The following LRRC1 variants were observed in gnomAD, a reference collection of about 807,000 sequenced individuals.
LRRC1 encodes leucine-rich repeat-containing protein 1.
In LRRC1, 28 loss-of-function variants were observed where a neutral mutation model predicts 69.9. That is an observed-to-expected ratio of 0.40 (90% CI 0.30 to 0.55). The LOEUF is 0.55. Among genes scored for constraint, LRRC1 ranks in the 20% least tolerant of loss-of-function variants. The pLI is 0.47. For synonymous variants in LRRC1, 236 were observed against 240.2 expected (o/e 0.98, Z 0.16); for missense variants, 498 against 609.0 (o/e 0.82, Z 1.92).
intron 1 of LRRC1, among the ~76,000 whole-genome samples, chr6:53,815,928 T>A (rs1346583686): frequency 5.9e-5 from 9 of 152,266 alleles, no homozygotes; most frequent in Non-Finnish European, 1.5e-5. Flanking sequence ...AAATGCTTCC[T>A]GTATCCAGGA....
Position 53,802,012 on chromosome 6 carries a change from T to C in LRRC1, c.159+6597T>C, listed in dbSNP as rs571267998. Among the ~76,000 whole-genome samples, 18 of 152,320 alleles carry C rather than the reference T, an allele frequency of 1.2e-4. No homozygotes were observed. In the South Asian group the frequency reaches 3.1e-3, roughly 26 times the overall value. On this transcript the variant is annotated intron_variant, in intron 1 of 13. Coordinates refer to ENST00000370888, the MANE Select transcript of LRRC1 (RefSeq NM_018214.5). ...ACTTACTTAAAAAGCTTAAAAGCCTTGTTCACGGTTAGTTCTGGAGCAAGC... is the reference window on the plus strand; with the variant it reads ...ACTTACTTAAAAAGCTTAAAAGCCTCGTTCACGGTTAGTTCTGGAGCAAGC...
At chr6:53,907,154 A>T (rs968015551) in intron 10 of LRRC1, among the ~76,000 whole-genome samples, 1 of 152,234 alleles carries the variant, frequency 6.6e-6, no homozygotes, top group African/African-American at 2.4e-5. Flanking sequence ...TCCAAGCTTG[A>T]TGCCATTTGA....
intron 11 of LRRC1, among the ~76,000 whole-genome samples, chr6:53,916,881 T>TC (rs1768581725): frequency 6.6e-6 from 1 of 152,214 alleles, no homozygotes; most frequent in East Asian, 1.9e-4. Context: ...GTCATGGACA[T>TC]AACTGGAGAC....
intron 1 of LRRC1, among the ~76,000 whole-genome samples, chr6:53,802,495 A>T (rs145182480): frequency 6.6e-6 from 1 of 152,146 alleles, no homozygotes; most frequent in Non-Finnish European, 1.5e-5. Context: ...TTCTGTGGAC[A>T]TATTTTCCTT....
At chr6:53,903,413 C>T (rs1768126344) in intron 9 of LRRC1, among the ~76,000 whole-genome samples, 1 of 152,092 alleles carries the variant, frequency 6.6e-6, no homozygotes, top group South Asian at 2.1e-4. Flanking sequence ...TCCTGCTGCC[C>T]CCTCTGCTTT....
intron 1 of LRRC1, among the ~76,000 whole-genome samples, chr6:53,816,608 G>T (rs1764956638): frequency 6.6e-6 from 1 of 152,092 alleles, no homozygotes; most frequent in Admixed American, 6.5e-5. Flanking sequence ...GCCTTTAAAT[G>T]TAGCTTTCTT....
intron 4 of LRRC1, among the ~76,000 whole-genome samples, chr6:53,886,689 C>T (rs954543055): frequency 6.6e-6 from 1 of 151,950 alleles, no homozygotes; most frequent in African/African-American, 2.4e-5. Context: ...AATTTTTTAC[C>T]TGCCTTGTCT....
At chr6:53,857,814 C>T (rs771123770) in intron 2 of LRRC1, among the ~76,000 whole-genome samples, 21 of 152,208 alleles carry the variant, frequency 1.4e-4, no homozygotes, top group Non-Finnish European at 2.6e-4. Context: ...CAGAGGAAGG[C>T]TTGAAACATA....
chr6:53,795,130 G>GAGCT lies in LRRC1; in HGVS notation c.-125_-122dup. On this transcript the variant is annotated 5_prime_UTR_variant, in exon 1 of 14. Transcript: ENST00000370888. ...GACCGCGAAGCCCGGCGCGAGAAGC[G>GAGCT]AGCTAACCCAAGAGCCAACAACGAG... is the stretch of plus-strand genomic sequence containing the variant. 1 of 823,318 alleles carries GAGCT rather than the reference G, an allele frequency of 1.2e-6. No individual in the cohort carries two copies. Among genetic ancestry groups the GAGCT allele is most frequent in the Non-Finnish European group, 1.8e-6 (1 of 553,676 alleles). 51.0% of individuals were successfully genotyped at this position (823,318 alleles called of 1,614,324 possible). A position where few individuals can be genotyped will look rare whatever the true frequency, so the allele number is the denominator to read the frequency against.
intron 10 of LRRC1, among the ~76,000 whole-genome samples, chr6:53,908,309 A>T (rs935787479): frequency 6.6e-6 from 1 of 152,228 alleles, no homozygotes; most frequent in African/African-American, 2.4e-5. Context: ...ACCCAGTCAG[A>T]TGAGGCAACA....
In LRRC1 at chr6:53,795,051, G is replaced by C; in HGVS notation, c.-206G>C. On this transcript the variant is annotated 5_prime_UTR_variant, in exon 1 of 14. Transcript: ENST00000370888. ...GGAGTGGAGGCACCGGCTGGCGGGC[G>C]GGGGTACAGGGACGGGGCAGGGGCT... 4.8e-6 allele frequency: 2 copies of C among 415,828 alleles called. No individual in the cohort carries two copies. Among genetic ancestry groups the C allele is most frequent in the South Asian group, 1.1e-4 (2 of 17,558 alleles). The allele number at this position is 415,828 out of a possible 1,614,324, so 25.8% of individuals were successfully genotyped here. A position where few individuals can be genotyped will look rare whatever the true frequency, so the allele number is the denominator to read the frequency against.
At chr6:53,827,568 G>A (rs1466185845) in intron 1 of LRRC1, among the ~76,000 whole-genome samples, 1 of 152,150 alleles carries the variant, frequency 6.6e-6, no homozygotes, top group African/African-American at 2.4e-5. Context: ...ATAAAATGCT[G>A]CTAGCTGGGG....
chr6:53,812,446 T>A (rs1251743991), intron 1 of LRRC1, among the ~76,000 whole-genome samples: 1 of 151,784 alleles, frequency 6.6e-6, no homozygotes, highest in Non-Finnish European at 1.5e-5. Flanking sequence ...ATCCCAGCAC[T>A]TTGGGAGGCC....
chr6:53,918,610 G>A (rs899335534), intron 11 of LRRC1, among the ~76,000 whole-genome samples: 30 of 152,298 alleles, frequency 2.0e-4, no homozygotes, highest in African/African-American at 6.7e-4. Context: ...TGCTGTGTGT[G>A]TCTGATAATT....
At chr6:53,834,115 C>T (rs1014965156) in intron 1 of LRRC1, among the ~76,000 whole-genome samples, 4 of 152,126 alleles carry the variant, frequency 2.6e-5, no homozygotes, top group South Asian at 2.1e-4. Flanking sequence ...TTTGCTGTAT[C>T]GTATTATAAA....
At chr6:53,811,119 T>C (rs949130786) in intron 1 of LRRC1, among the ~76,000 whole-genome samples, 1 of 152,252 alleles carries the variant, frequency 6.6e-6, no homozygotes, top group Non-Finnish European at 1.5e-5. Context: ...TGGAGTAGTT[T>C]AGATACGTAA....
chr6:53,872,696 A>G (rs971509113), intron 2 of LRRC1, among the ~76,000 whole-genome samples: 6 of 149,302 alleles, frequency 4.0e-5, no homozygotes, highest in African/African-American at 1.5e-4. Flanking sequence ...CAGCAATTGC[A>G]TTGAATCTAT....
intron 4 of LRRC1, among the ~76,000 whole-genome samples, chr6:53,884,983 T>A (rs749157099): frequency 2.0e-5 from 3 of 152,222 alleles, no homozygotes; most frequent in African/African-American, 4.8e-5. Flanking sequence ...AATGCCACTT[T>A]GATCTTGAAA....
intron 1 of LRRC1, among the ~76,000 whole-genome samples, chr6:53,831,996 G>T (rs1040286187): frequency 4.6e-5 from 7 of 152,232 alleles, no homozygotes; most frequent in African/African-American, 1.7e-4. Flanking sequence ...ACTTCAGAAG[G>T]TACTCTGAGT....
Sources: allele counts gnomAD v4.1 joint callset (sites outside exome capture counted in the v4.1 genomes callset), GRCh38; gene constraint gnomAD v4.1.1; transcripts MANE v1.5; gene names NCBI Gene and HGNC (gene_info 2026-07-23, HGNC 2026-07-21).